The following PRH1 variants were observed in gnomAD, a reference collection of about 807,000 sequenced individuals.
The protein encoded by PRH1 is salivary acidic proline-rich phosphoprotein 1/2.
Under a neutral mutation model 7.9 loss-of-function variants are expected in PRH1, and 7 were observed. The observed-to-expected ratio is 0.89, with a 90% CI of 0.50 to 1.67. The LOEUF is 1.67. PRH1 is among the 40% of genes most tolerant of loss of function. The pLI, the probability that PRH1 is intolerant of heterozygous loss-of-function variation, is 0.00. For missense variants in PRH1, 109 were observed against 223.6 expected, an observed-to-expected ratio of 0.49 and a Z score of 3.27; for synonymous variants, 45 against 80.8, an observed-to-expected ratio of 0.56 and a Z score of 2.38.
chr12:11,100,247 G>A (rs930824814), intron 1 of PRH1, among the ~76,000 whole-genome samples: 2 of 152,126 alleles, frequency 1.3e-5, no homozygotes, highest in East Asian at 1.9e-4. Context: ...ATGGAACACT[G>A]AAAATAGGCT....
At chr12:10,972,651 C>G (rs1454518092) in intron 2 of PRH1, among the ~76,000 whole-genome samples, 1 of 152,020 alleles carries the variant, frequency 6.6e-6, no homozygotes, top group African/African-American at 2.4e-5. Context: ...TCAGCAACAT[C>G]AGTTGTTAGG....
intron 1 of PRH1, among the ~76,000 whole-genome samples, chr12:11,140,631 A>C (rs546846310): frequency 6.6e-6 from 1 of 152,294 alleles, no homozygotes; most frequent in Admixed American, 6.5e-5. Flanking sequence ...ATTCAAACAC[A>C]ACATCCTTGC....
intron 2 of PRH1, 58 bp from the exon 3 acceptor site, chr12:10,882,756 T>C: frequency 6.3e-7 from 1 of 1,597,882 alleles, no homozygotes; most frequent in Non-Finnish European, 8.5e-7. Flanking sequence ...CCTGTCTTCA[T>C]ACCTCTCTGT....
At chr12:11,068,482 T>C (rs1943918821) in intron 1 of PRH1, among the ~76,000 whole-genome samples, 2 of 152,226 alleles carry the variant, frequency 1.3e-5, no homozygotes, top group Non-Finnish European at 2.9e-5. Flanking sequence ...CTGTATAGTA[T>C]TCCATTGTAT....
chr12:11,170,792 A>G (rs1010849780), intron 1 of PRH1, among the ~76,000 whole-genome samples: 3 of 152,228 alleles, frequency 2.0e-5, no homozygotes, highest in African/African-American at 7.2e-5. Flanking sequence ...TGCAATTTAA[A>G]TATTCCTAAT....
intron 1 of PRH1, among the ~76,000 whole-genome samples, chr12:11,139,724 C>T (rs898798572): frequency 6.6e-6 from 1 of 152,136 alleles, no homozygotes; most frequent in Non-Finnish European, 1.5e-5. Flanking sequence ...ACTTTAGCTA[C>T]TGAAACTCAG....
chr12:11,161,131 C>T (rs1366497197), intron 1 of PRH1, among the ~76,000 whole-genome samples: 3 of 152,000 alleles, frequency 2.0e-5, no homozygotes, highest in South Asian at 4.2e-4. Context: ...ACCTTTTCTG[C>T]TCCTGGCTGC....
At chr12:11,076,418 T>TTTGGG (rs200737997) in intron 1 of PRH1, among the ~76,000 whole-genome samples, 2,026 of 132,558 alleles carry the variant, frequency 0.015, 11 homozygotes, top group Middle Eastern at 0.03. Flanking sequence ...CTATACTCTC[T>TTTGGG]TTGGGACTTT....
At chr12:11,061,985 T>C in intron 1 of PRH1, 1 of 1,613,934 alleles carries the variant, frequency 6.2e-7, no homozygotes, top group Non-Finnish European at 8.5e-7. Flanking sequence ...AAATAAAATA[T>C]GCTGAGGCTA....
Position 11,081,583 on chromosome 12 carries a change from T to C in PRH1, n.124-34395A>G. Reference sequence around the variant, plus strand: ...ATTAAGTTGATGTGAGTAGCTTTTTTTGGATATTAGCTTGTCTGTTGCTGG... The same window carrying C: ...ATTAAGTTGATGTGAGTAGCTTTTTCTGGATATTAGCTTGTCTGTTGCTGG... On this transcript the variant is annotated intron_variant and non_coding_transcript_variant, in intron 1 of 4. Transcript: ENST00000541977. Among the ~76,000 whole-genome samples the C allele has an allele frequency of 1.7e-5, 2 of 116,744 alleles. 1 individual carries two copies. Among genetic ancestry groups the C allele is most frequent in the Non-Finnish European group, 4.1e-5 (2 of 49,148 alleles). The allele number at this position is 116,744 out of a possible 152,430, so 76.6% of individuals were successfully genotyped here.
intron 2 of PRH1, among the ~76,000 whole-genome samples, chr12:10,906,917 T>C (rs1949813060): frequency 6.6e-6 from 1 of 152,160 alleles, no homozygotes; most frequent in Non-Finnish European, 1.5e-5. Context: ...TCAAGCTAAG[T>C]AGTTGGCAAA....
chr12:10,907,138 T>C (rs1949816035), intron 2 of PRH1, among the ~76,000 whole-genome samples: 1 of 152,154 alleles, frequency 6.6e-6, no homozygotes, highest in Admixed American at 6.5e-5. Context: ...ACTCGTATAT[T>C]GCTGGCAATA....
intron 2 of PRH1, among the ~76,000 whole-genome samples, chr12:10,956,320 C>T (rs929638559): frequency 6.6e-6 from 1 of 152,106 alleles, no homozygotes; most frequent in East Asian, 1.9e-4. Context: ...CTAACAAAAA[C>T]CACATTACTA....
intron 1 of PRH1, among the ~76,000 whole-genome samples, chr12:11,038,025 G>A (rs1317764814): frequency 6.6e-6 from 1 of 152,244 alleles, no homozygotes; most frequent in Non-Finnish European, 1.5e-5. Flanking sequence ...CTGGGCAACA[G>A]AGTGAGACGC....
rs1555164701 is a variant in PRH1, at chr12:11,096,794, T to TTTG, written n.124-49609_124-49607dup. On this transcript the variant is annotated intron_variant and non_coding_transcript_variant, in intron 1 of 4. Transcript: ENST00000541977. ...TAAATTTTATGCGGTTTTTGTTTTT[T>TTTG]TTGTTGTTGTTGTTGTTGTTTTTGA... 1.5e-4 allele frequency among the ~76,000 whole-genome samples: 17 copies of TTTG among 113,554 alleles called. 3 individuals carry two copies. The highest frequency in any genetic ancestry group is 3.0e-4 in the African/African-American group (10 of 33,848). The allele number at this position is 113,554 out of a possible 152,430, so 74.5% of individuals were successfully genotyped here.
intron 2 of PRH1, among the ~76,000 whole-genome samples, chr12:10,945,473 T>C (rs1306210274): frequency 6.6e-6 from 1 of 152,078 alleles, no homozygotes; most frequent in African/African-American, 2.4e-5. Context: ...CAAGTTCTTA[T>C]TAGTGATTTT....
At chr12:11,014,243 G>A (rs539716946) in intron 1 of PRH1, among the ~76,000 whole-genome samples, 2 of 73,596 alleles carry the variant, frequency 2.7e-5, no homozygotes, top group Admixed American at 1.5e-4. Flanking sequence ...TTGAGACCTT[G>A]GGCAGTCTGA....
chr12:10,951,169 T>C (rs1350851264), intron 2 of PRH1, among the ~76,000 whole-genome samples: 1 of 152,166 alleles, frequency 6.6e-6, no homozygotes, highest in Non-Finnish European at 1.5e-5. Flanking sequence ...TTTTTCATAA[T>C]AATTTGGAAG....
At chr12:11,139,168 C>T (rs1053162997) in intron 1 of PRH1, among the ~76,000 whole-genome samples, 6 of 152,136 alleles carry the variant, frequency 3.9e-5, no homozygotes, top group Non-Finnish European at 5.9e-5. Flanking sequence ...TGAATTTATA[C>T]GTAGAAATGT....
Sources: gnomAD v4.1 joint callset for allele counts (sites outside exome capture counted in the v4.1 genomes callset) on GRCh38, gnomAD v4.1.1 for gene constraint, MANE v1.5 for transcripts, NCBI Gene and HGNC (gene_info 2026-07-23, HGNC 2026-07-21) for gene names.